Variants in FBN2 observed in about 807,000 individuals in gnomAD.
FBN2 encodes the protein fibrillin-2.
Under a neutral mutation model 355.6 loss-of-function variants are expected in FBN2, and 105 were observed. The observed-to-expected ratio is 0.30, with a 90% CI of 0.25 to 0.35. The LOEUF is 0.35. Ranked by LOEUF, FBN2 falls within the 10% of genes least tolerant of loss-of-function variation. FBN2 has a pLI of 1.00. For synonymous variants in FBN2, 1,350 were observed against 1,301.2 expected, an observed-to-expected ratio of 1.04 and a Z score of -0.81; for missense variants, 3,280 against 3,758.7, an observed-to-expected ratio of 0.87 and a Z score of 3.33.
intron 64 of FBN2, among the ~76,000 whole-genome samples, chr5:128,260,485 A>G (rs1764937297): frequency 6.6e-6 from 1 of 152,234 alleles, no homozygotes; most frequent in African/African-American, 2.4e-5. Context: ...AAAGTAAGAT[A>G]GGATAAAAAC....
At chr5:128,278,985 C>A (rs1045447192) in intron 56 of FBN2, 144 bp from the exon 57 acceptor site, 2 of 723,560 alleles carry the variant, frequency 2.8e-6, no homozygotes, top group African/African-American at 1.7e-5. Flanking sequence ...GTTTTGCTGG[C>A]AGTTAAGTTC....
At chr5:128,444,923 G>GT (rs1754027006) in intron 7 of FBN2, among the ~76,000 whole-genome samples, 1 of 151,754 alleles carries the variant, frequency 6.6e-6, no homozygotes, top group Admixed American at 6.6e-5. Flanking sequence ...TAGTCCAGAA[G>GT]TAAAAAGTGA....
At chr5:128,466,157 T>A (rs903328170) in intron 5 of FBN2, among the ~76,000 whole-genome samples, 3 of 152,212 alleles carry the variant, frequency 2.0e-5, no homozygotes, top group Non-Finnish European at 2.9e-5. Flanking sequence ...CAGAGAAAGG[T>A]CAGTTTTCTG....
At chr5:128,525,976 G>C (rs1218219045) in intron 4 of FBN2, among the ~76,000 whole-genome samples, 1 of 152,094 alleles carries the variant, frequency 6.6e-6, no homozygotes, top group Non-Finnish European at 1.5e-5. Flanking sequence ...ATTTGCAATG[G>C]AGAAAGCAAG....
intron 6 of FBN2, 87 bp from the exon 7 acceptor site, chr5:128,446,693 ATTC>A (rs1276452013): frequency 8.4e-6 from 12 of 1,427,222 alleles, no homozygotes; most frequent in Admixed American, 1.7e-5. Flanking sequence ...TTATATAAAC[ATTC>A]TTCTAAGAAA....
chr5:128,431,462 T>C (rs1387440741), intron 7 of FBN2, among the ~76,000 whole-genome samples: 1 of 152,214 alleles, frequency 6.6e-6, no homozygotes, highest in Non-Finnish European at 1.5e-5. Context: ...TTTAACTAAG[T>C]GCTTAACATG....
chr5:128,379,437 A>G (rs536797461), intron 11 of FBN2, among the ~76,000 whole-genome samples: 4 of 152,038 alleles, frequency 2.6e-5, no homozygotes, highest in Non-Finnish European at 5.9e-5. Context: ...ATTTTGAAGT[A>G]AAAAAACATG....
At chr5:128,319,041 A>T (rs1750292455) in intron 34 of FBN2, 40 bp from the exon 35 acceptor site, 1 of 1,528,888 alleles carries the variant, frequency 6.5e-7, no homozygotes, top group Non-Finnish European at 9.0e-7. Context: ...ATTTAAGAAG[A>T]CATTTTAAAA....
At chr5:128,293,182 A>C (rs1749378338) in intron 48 of FBN2, among the ~76,000 whole-genome samples, 1 of 152,212 alleles carries the variant, frequency 6.6e-6, no homozygotes, top group Non-Finnish European at 1.5e-5. Context: ...AAGTTGGTAG[A>C]AAAGATACTA....
intron 19 of FBN2, among the ~76,000 whole-genome samples, chr5:128,358,974 G>T (rs1391558015): frequency 6.6e-6 from 1 of 151,892 alleles, no homozygotes; most frequent in African/African-American, 2.4e-5. Context: ...ATGGAACCAG[G>T]AATTGAAACA....
chr5:128,352,786 CA>C (rs1751402007), intron 20 of FBN2, among the ~76,000 whole-genome samples: 1 of 152,166 alleles, frequency 6.6e-6, no homozygotes, highest in South Asian at 2.1e-4. Flanking sequence ...ACCTCAACAG[CA>C]TATTGTGGCA....
At chr5:128,517,591 A>G (rs1204150750) in intron 5 of FBN2, among the ~76,000 whole-genome samples, 1 of 152,142 alleles carries the variant, frequency 6.6e-6, no homozygotes, top group Non-Finnish European at 1.5e-5. Flanking sequence ...AATAATAAAA[A>G]TATCTTGATG....
At chr5:128,277,451 T>C (rs779479569) in intron 58 of FBN2, among the ~76,000 whole-genome samples, 2 of 152,244 alleles carry the variant, frequency 1.3e-5, no homozygotes, top group Non-Finnish European at 2.9e-5. Context: ...AACATTCTCT[T>C]AATATACACA....
Position 128,289,910 on chromosome 5 carries a change from A to G in FBN2, c.6483T>C (p.Thr2161=). 1 of 1,605,524 alleles carries G rather than the reference A, an allele frequency of 6.2e-7. No homozygotes were observed. Among genetic ancestry groups the G allele is most frequent in the Non-Finnish European group, 8.5e-7 (1 of 1,172,280 alleles). ...CACGTGTATCATGAAGACTAGGGAC[A>G]GTTCCATGGCCATATGGACACAAAT... ...FQDLCPYGHG[T]VPSLHDTRED... The change falls in exon 51 of 65, where the codon ACT becomes ACC. Residue 2161 remains threonine, a synonymous_variant. Transcript: ENST00000262464.
At chr5:128,533,341 G>T (rs1262672446) in intron 2 of FBN2, among the ~76,000 whole-genome samples, 1 of 152,174 alleles carries the variant, frequency 6.6e-6, no homozygotes, top group Non-Finnish European at 1.5e-5. Flanking sequence ...GCATTCTCAG[G>T]CATTTACCTG....
At chr5:128,267,997 C>G (rs1765160683) in intron 62 of FBN2, among the ~76,000 whole-genome samples, 1 of 152,112 alleles carries the variant, frequency 6.6e-6, no homozygotes, top group Non-Finnish European at 1.5e-5. Context: ...CAAGCTAATT[C>G]AAAAGCTAAC....
chr5:128,393,251 C>A lies in FBN2; in HGVS notation c.1349G>T (p.Gly450Val). Residue 450 changes from glycine (G) to valine (V), a missense_variant, in exon 10 of 65, where the codon GGC becomes GTC. This residue lies in a region of FBN2 where 343 missense variants were observed against 331.0 expected (regional missense o/e 1.04). Coordinates refer to ENST00000262464, the MANE Select transcript of FBN2 (RefSeq NM_001999.4). ...NGFAPSGNGN[G>V]YGPGGTGFIP... Reference sequence around the variant, plus strand: ...GAAGCCTGTCCCTCCTGGGCCATAGCCATTGCCATTGCCACTTGGGGCAAA... The same window carrying A: ...GAAGCCTGTCCCTCCTGGGCCATAGACATTGCCATTGCCACTTGGGGCAAA... 6.2e-7 allele frequency: 1 copy of A among 1,614,180 alleles called. No individual in the cohort carries two copies. The highest frequency in any genetic ancestry group is 8.5e-7 in the Non-Finnish European group (1 of 1,180,020).
rs1037233890 is a variant in FBN2, at chr5:128,361,885, T to C, written c.2429-37A>G. On this transcript the variant is annotated intron_variant, in intron 18 of 64. Coordinates refer to ENST00000262464, the MANE Select transcript of FBN2 (RefSeq NM_001999.4). The stretch of plus-strand genomic sequence containing the variant: ...GATTGAAAGATAGGAGATACACATA[T>C]TTAAGCATCTATTACAGTGGGCAGC... 4 of 1,605,738 alleles carry C rather than the reference T, an allele frequency of 2.5e-6. No individual in the cohort carries two copies. The African/African-American group carries it at 5.4e-5, about 21-fold the overall frequency.
rs1765390202 is a variant in FBN2, at chr5:128,276,141, C to T, written c.7491G>A (p.Gln2497=). Residue 2497 remains glutamine (Q), a synonymous_variant, in exon 59 of 65, where the codon CAG becomes CAA. Transcript: ENST00000262464. The part of the protein sequence containing the change: ...TSCIDLDECS[Q]SPKPCNYICK... Reference sequence around the variant, plus strand: ...AGATGTAGTTGCATGGTTTCGGGGACTGGGAGCATTCATCAAGGTCTAAGT... The same window carrying T: ...AGATGTAGTTGCATGGTTTCGGGGATTGGGAGCATTCATCAAGGTCTAAGT... 6.2e-7 allele frequency: 1 copy of T among 1,613,768 alleles called. No individual in the cohort carries two copies. Among genetic ancestry groups the T allele is most frequent in the African/African-American group, 1.3e-5 (1 of 75,002 alleles).
Sources: gnomAD v4.1 joint callset for allele counts (sites outside exome capture counted in the v4.1 genomes callset) on GRCh38, gnomAD v4.1.1 for gene constraint, gnomAD v4.1.1 regional missense constraint, MANE v1.5 for transcripts, NCBI Gene and HGNC (gene_info 2026-07-23, HGNC 2026-07-21) for gene names.